Variants in RHD observed in about 807,000 individuals in gnomAD.
RHD encodes the protein Rh blood group D antigen, also known as blood group Rh(D) polypeptide.
In RHD, 16 loss-of-function variants were observed where a neutral mutation model predicts 45.5. The observed-to-expected ratio is 0.35, with a 90% CI of 0.24 to 0.53. RHD has a LOEUF of 0.53. RHD is among the 20% of genes least tolerant of loss of function. The probability of loss-of-function intolerance (pLI) is 0.92; values close to 1 mark genes in which losing one functional copy is unlikely to be tolerated. For synonymous variants in RHD, 131 were observed against 217.5 expected (o/e 0.60, Z 3.50); for missense variants, 306 against 532.0 (o/e 0.58, Z 4.18).
chr1:25,282,753 G>A lies in RHD; in HGVS notation c.149-1820G>A, dbSNP rs1278871155. ...CAGCTTGGCCAAAAATTAGCCAGGC[G>A]TGGTGGCGCGCGCCTGTGGTTCCCA... On this transcript the variant is annotated intron_variant, in intron 1 of 9. Transcript: ENST00000328664. Among the ~76,000 whole-genome samples, 3 of 130,188 alleles carry A rather than the reference G, an allele frequency of 2.3e-5. 1 individual carries two copies. The highest frequency in any genetic ancestry group is 7.5e-5 in the Admixed American group (1 of 13,368). 85.4% of individuals were successfully genotyped at this position (130,188 alleles called of 152,430 possible). A position where few individuals can be genotyped will look rare whatever the true frequency, so the allele number is the denominator to read the frequency against.
intron 1 of RHD, among the ~76,000 whole-genome samples, chr1:25,280,996 C>A (rs1641448184): frequency 7.6e-6 from 1 of 131,832 alleles, no homozygotes; most frequent in Admixed American, 7.4e-5. Flanking sequence ...CCACTAACTT[C>A]TTTGGAATAT....
intron 1 of RHD, among the ~76,000 whole-genome samples, chr1:25,276,544 A>G (rs1412960211): frequency 8.0e-6 from 1 of 124,462 alleles, no homozygotes; most frequent in Non-Finnish European, 1.9e-5. Context: ...AAAAAAAAAA[A>G]AAAAAAAAAA....
chr1:25,319,202 T>A (rs1338686333), intron 8 of RHD, among the ~76,000 whole-genome samples: 1 of 131,880 alleles, frequency 7.6e-6, no homozygotes, highest in African/African-American at 2.6e-5. Context: ...TACCAGGAGG[T>A]CTTTTCTTAT....
intron 1 of RHD, among the ~76,000 whole-genome samples, chr1:25,280,604 C>T (rs1390422979): frequency 1.5e-5 from 1 of 65,124 alleles, no homozygotes; most frequent in African/African-American, 4.0e-5. Context: ...CTGTGCCTGG[C>T]CTTTTTTTTT....
rs1034450923 is a variant in RHD, at chr1:25,312,600, A to C, written c.1074-4400A>C. ...CTCTACAAAAAATAAAAATAAAAAA[A>C]TTAGCCAGGTATTGTGGCATATACC... On this transcript the variant is annotated intron_variant, in intron 7 of 9. Transcript: ENST00000328664. Among the ~76,000 whole-genome samples the C allele has an allele frequency of 1.5e-5, 2 of 129,364 alleles. 1 individual carries two copies. Among genetic ancestry groups the C allele is most frequent in the Non-Finnish European group, 3.6e-5 (2 of 54,812 alleles). The allele number at this position is 129,364 out of a possible 152,430, so 84.9% of individuals were successfully genotyped here.
rs1428934343 is a variant in RHD at position 25,316,259 on chromosome 1, G to A, written c.1074-741G>A. On this transcript the variant is annotated intron_variant, in intron 7 of 9. Transcript: ENST00000328664. ...ATGGGCAGGGGAGATGGGTCTGAAA[G>A]CCAAGCTCTACCCCACCCACCTTGC... Among the ~76,000 whole-genome samples, 5 of 129,596 alleles carry A rather than the reference G, an allele frequency of 3.9e-5. 1 individual carries two copies. The allele number at this position is 129,596 out of a possible 152,430, so 85.0% of individuals were successfully genotyped here.
rs1337948447 is a variant in RHD at position 25,276,428 on chromosome 1, A to C, written c.148+3733A>C. On this transcript the variant is annotated intron_variant, in intron 1 of 9. Transcript: ENST00000328664. ...TGTAATAGTTAATTAAAAAAAAAAAAAAACACCCTGGCTGAGCATTTAGGG... is the reference window on the plus strand; with the variant it reads ...TGTAATAGTTAATTAAAAAAAAAAACAAACACCCTGGCTGAGCATTTAGGG... Among the ~76,000 whole-genome samples, 13 of 125,948 alleles carry C rather than the reference A, an allele frequency of 1.0e-4. 1 individual carries two copies. The East Asian group carries it at 2.0e-3, about 19-fold the overall frequency. 82.6% of individuals were successfully genotyped at this position (125,948 alleles called of 152,430 possible). A position where few individuals can be genotyped will look rare whatever the true frequency, so the allele number is the denominator to read the frequency against.
At chr1:25,288,630 T>C (rs537758156) in intron 2 of RHD, among the ~76,000 whole-genome samples, 3 of 127,600 alleles carry the variant, frequency 2.4e-5, no homozygotes, top group Admixed American at 7.7e-5. Context: ...ACCTTATAAA[T>C]GGAGGCACCA....
rs1405410294 is a variant in RHD at position 25,283,987 on chromosome 1, C to T, written c.149-586C>T. ...GGAAAGGTGAGGGCTACCCAGGTGG[C>T]CCTGATGTTTTCTGCCAGCCAGCTC... On this transcript the variant is annotated intron_variant, in intron 1 of 9. Coordinates refer to ENST00000328664, the MANE Select transcript of RHD (RefSeq NM_016124.6). Among the ~76,000 whole-genome samples, 12 of 134,790 alleles carry T rather than the reference C, an allele frequency of 8.9e-5. 2 individuals carry two copies. The highest frequency in any genetic ancestry group is 5.3e-5 in the Non-Finnish European group (3 of 57,106). The allele number at this position is 134,790 out of a possible 152,430, so 88.4% of individuals were successfully genotyped here. A position where few individuals can be genotyped will look rare whatever the true frequency, so the allele number is the denominator to read the frequency against.
At position 25,316,643 on chromosome 1, in the gene RHD, G is replaced by A. The variant is rs1165076902; in HGVS notation, c.1074-357G>A. On this transcript the variant is annotated intron_variant, in intron 7 of 9. Coordinates refer to ENST00000328664, the MANE Select transcript of RHD (RefSeq NM_016124.6). ...GAAAAAAAAAAAAAAAAAAGAGAGA[G>A]AGAGAAAACTGGAGGCTCTGAGAGG... Among the ~76,000 whole-genome samples the A allele has an allele frequency of 5.7e-5, 7 of 122,746 alleles. 2 individuals are homozygous for A. The highest frequency in any genetic ancestry group is 1.4e-4 in the Non-Finnish European group (7 of 51,730). The allele number at this position is 122,746 out of a possible 152,430, so 80.5% of individuals were successfully genotyped here.
At position 25,322,865 on chromosome 1, in the gene RHD, G is replaced by A. The variant is rs1285356936; in HGVS notation, c.1227+903G>A. Among the ~76,000 whole-genome samples the A allele has an allele frequency of 2.0e-4, 26 of 127,066 alleles. 4 individuals carry two copies. The highest frequency in any genetic ancestry group is 1.7e-3 in the Admixed American group (22 of 12,928). The allele number at this position is 127,066 out of a possible 152,430, so 83.4% of individuals were successfully genotyped here. On this transcript the variant is annotated intron_variant, in intron 9 of 9. Coordinates refer to ENST00000328664, the MANE Select transcript of RHD (RefSeq NM_016124.6). ...TATACCTTGGTTTAGAAAGGGGAGC[G>A]GGAATTGAGCTGAAGCAATCTTACA... is the stretch of plus-strand genomic sequence containing the variant.
rs60714996 is a variant in RHD, at chr1:25,285,291, C to T, written c.335+532C>T. On this transcript the variant is annotated intron_variant, in intron 2 of 9. Transcript: ENST00000328664. ...CTGGGATTACAGGCATGTGCCACCG[C>T]GCCTGGCTGATTTTGTATTTTTAGT... Among the ~76,000 whole-genome samples, 35 of 133,948 alleles carry T rather than the reference C, an allele frequency of 2.6e-4. 6 individuals carry two copies. The highest frequency in any genetic ancestry group is 8.6e-4 in the African/African-American group (33 of 38,560). The allele number at this position is 133,948 out of a possible 152,430, so 87.9% of individuals were successfully genotyped here. A position where few individuals can be genotyped will look rare whatever the true frequency, so the allele number is the denominator to read the frequency against.
chr1:25,312,950 A>AAAC (rs1644241297), intron 7 of RHD, among the ~76,000 whole-genome samples: 2 of 111,966 alleles, frequency 1.8e-5, no homozygotes, highest in African/African-American at 5.8e-5. Context: ...AAAAAAAAAA[A>AAAC]AAAAACTTTA....
At position 25,272,623 on chromosome 1, in the gene RHD, C is replaced by T. The variant is rs1220075618; in HGVS notation, c.76C>T (p.Leu26Phe). The change falls in exon 1 of 10, where the codon CTC becomes TTC. Residue 26 changes from leucine to phenylalanine, a missense_variant. Leu to Phe is a conservative substitution (Grantham distance 22). Transcript: ENST00000328664. The stretch of plus-strand genomic sequence containing the variant: ...CCTAACACTGGAAGCAGCTCTCATT[C>T]TCCTCTTCTATTTTTTTACCCACTA... ...WALTLEAALI[L>F]LFYFFTHYDA... The T allele has an allele frequency of 2.5e-6, 4 of 1,577,200 alleles. No homozygotes were observed. Among genetic ancestry groups the T allele is most frequent in the Non-Finnish European group, 3.5e-6 (4 of 1,153,228 alleles).
rs1644133603 is a variant in RHD at position 25,311,301 on chromosome 1, G to C, written c.1073+4572G>C. Among the ~76,000 whole-genome samples, 2 of 132,218 alleles carry C rather than the reference G, an allele frequency of 1.5e-5. 1 individual carries two copies. Among genetic ancestry groups the C allele is most frequent in the African/African-American group, 5.2e-5 (2 of 38,798 alleles). 86.7% of individuals were successfully genotyped at this position (132,218 alleles called of 152,430 possible). ...GTAGGTCAGCCATGTTGTAGGGAAT[G>C]AAAGAACATTTTCAGCTGAGAACAC... On this transcript the variant is annotated intron_variant, in intron 7 of 9. Transcript: ENST00000328664.
Position 25,298,595 on chromosome 1 carries a change from A to G in RHD, c.487-2351A>G, listed in dbSNP as rs1196878103. Among the ~76,000 whole-genome samples the G allele has an allele frequency of 3.8e-5, 5 of 131,926 alleles. 1 individual carries two copies. The highest frequency in any genetic ancestry group is 7.8e-5 in the African/African-American group (3 of 38,440). 86.5% of individuals were successfully genotyped at this position (131,926 alleles called of 152,430 possible). On this transcript the variant is annotated intron_variant, in intron 3 of 9. Coordinates refer to ENST00000328664, the MANE Select transcript of RHD (RefSeq NM_016124.6). ...GGTGGAGTTCAAAGAGATGAAAAAC[A>G]CAAGCCCGCTTTTCAGTTCTTATCA...
chr1:25,314,470 T>C (rs1481070516), intron 7 of RHD, among the ~76,000 whole-genome samples: 2 of 132,446 alleles, frequency 1.5e-5, no homozygotes, highest in African/African-American at 5.2e-5. Context: ...TGGATATGAA[T>C]CCCACTTTGT....
At chr1:25,293,575 C>T (rs1642695443) in intron 3 of RHD, among the ~76,000 whole-genome samples, 1 of 131,166 alleles carries the variant, frequency 7.6e-6, no homozygotes, top group South Asian at 2.3e-4. Flanking sequence ...TTAAATGGAA[C>T]TTCTGTATCT....
At position 25,277,058 on chromosome 1, in the gene RHD, C is replaced by A. The variant is rs184675142; in HGVS notation, c.148+4363C>A. On this transcript the variant is annotated intron_variant, in intron 1 of 9. Coordinates refer to ENST00000328664, the MANE Select transcript of RHD (RefSeq NM_016124.6). Reference sequence around the variant, plus strand: ...CTCCAGCCTGGGCAACAGAGCGAGACTCCGTCTAAAAAAAAATGAAAATAA... The same window carrying A: ...CTCCAGCCTGGGCAACAGAGCGAGAATCCGTCTAAAAAAAAATGAAAATAA... 2.3e-4 allele frequency among the ~76,000 whole-genome samples: 30 copies of A among 132,062 alleles called. No homozygotes were observed. In the East Asian group the frequency reaches 5.9e-3, roughly 26 times the overall value. 86.6% of individuals were successfully genotyped at this position (132,062 alleles called of 152,430 possible). A position where few individuals can be genotyped will look rare whatever the true frequency, so the allele number is the denominator to read the frequency against.
Sources: allele counts gnomAD v4.1 joint callset (sites outside exome capture counted in the v4.1 genomes callset), GRCh38; gene constraint gnomAD v4.1.1; transcripts MANE v1.5; gene names NCBI Gene and HGNC (gene_info 2026-07-23, HGNC 2026-07-21).